Variants in DGKD observed in about 807,000 individuals in gnomAD.
The protein encoded by DGKD is DAG kinase delta.
Under a neutral mutation model 154.4 loss-of-function variants are expected in DGKD, and 68 were observed. That is an observed-to-expected ratio of 0.44 (90% CI 0.36 to 0.54). The LOEUF (loss-of-function observed/expected upper bound fraction) is 0.54. Ranked by LOEUF, DGKD falls within the 20% of genes least tolerant of loss-of-function variation. The pLI is 0.00. For synonymous variants in DGKD, 693 were observed against 638.0 expected (o/e 1.09, Z -1.30); for missense variants, 1,343 against 1,593.6 (o/e 0.84, Z 2.68).
chr2:233,437,228 G>C, intron 7 of DGKD, 149 bp from the exon 8 acceptor site: 1 of 686,742 alleles, frequency 1.5e-6, no homozygotes. Flanking sequence ...ATAGCAGGCC[G>C]GCCCAGGGCC....
At chr2:233,420,866 C>T (rs922996659) in intron 3 of DGKD, among the ~76,000 whole-genome samples, 1 of 152,134 alleles carries the variant, frequency 6.6e-6, no homozygotes, top group Non-Finnish European at 1.5e-5. Flanking sequence ...TTCCCAGATT[C>T]CCTGTGATCA....
At chr2:233,376,315 A>G (rs180689459) in intron 1 of DGKD, among the ~76,000 whole-genome samples, 1 of 152,252 alleles carries the variant, frequency 6.6e-6, no homozygotes, top group Admixed American at 6.5e-5. Flanking sequence ...CTGTCTAAGC[A>G]TGGAGAGAGT....
chr2:233,371,044 G>A (rs905749765), intron 1 of DGKD, among the ~76,000 whole-genome samples: 1 of 152,114 alleles, frequency 6.6e-6, no homozygotes, highest in African/African-American at 2.4e-5. Context: ...GAGCCACTGT[G>A]CCCAGCTGAC....
At chr2:233,466,929 A>T (rs1317977595) in intron 27 of DGKD, among the ~76,000 whole-genome samples, 157 bp from the exon 28 acceptor site, 3 of 152,236 alleles carry the variant, frequency 2.0e-5, no homozygotes, top group Non-Finnish European at 1.5e-5. Flanking sequence ...AAATACAAGA[A>T]TCAATAAGGG....
At chr2:233,356,042 C>T (rs538185574) in intron 1 of DGKD, among the ~76,000 whole-genome samples, 1 of 152,304 alleles carries the variant, frequency 6.6e-6, no homozygotes. Flanking sequence ...GGGAGATGGA[C>T]GCCTGTGCAC....
chr2:233,389,365 A>G (rs1466813452), intron 2 of DGKD, among the ~76,000 whole-genome samples: 1 of 152,228 alleles, frequency 6.6e-6, no homozygotes, highest in African/African-American at 2.4e-5. Flanking sequence ...ATGTGGTGTT[A>G]GACATTCAGA....
chr2:233,405,973 G>A (rs75849761), intron 3 of DGKD, among the ~76,000 whole-genome samples: 1,553 of 152,314 alleles, frequency 0.01, 32 homozygotes, highest in African/African-American at 0.035. Flanking sequence ...ACATGAAACA[G>A]AAGAAATGTA....
chr2:233,437,024 C>T (rs2062719642), intron 7 of DGKD, among the ~76,000 whole-genome samples: 1 of 151,936 alleles, frequency 6.6e-6, no homozygotes, highest in African/African-American at 2.4e-5. Context: ...AGCCAAGACA[C>T]AGGGGACACA....
intron 1 of DGKD, among the ~76,000 whole-genome samples, chr2:233,368,393 T>C (rs1310808549): frequency 6.6e-6 from 1 of 151,916 alleles, no homozygotes; most frequent in Non-Finnish European, 1.5e-5. Context: ...ACACCTGTAA[T>C]CCCAGCTACT....
chr2:233,416,049 C>A (rs986926506), intron 3 of DGKD, among the ~76,000 whole-genome samples: 1 of 152,178 alleles, frequency 6.6e-6, no homozygotes, highest in South Asian at 2.1e-4. Flanking sequence ...CCAGTTTTCC[C>A]GGCTGCTTGT....
Position 233,459,972 on chromosome 2 carries a change from CTT to C in DGKD, c.2829+85_2829+86del. The C allele has an allele frequency of 6.6e-7, 1 of 1,504,102 alleles. No homozygotes were observed. Among genetic ancestry groups the C allele is most frequent in the Non-Finnish European group, 8.8e-7 (1 of 1,130,676 alleles). The allele number at this position is 1,504,102 out of a possible 1,614,324, so 93.2% of individuals were successfully genotyped here. The stretch of plus-strand genomic sequence containing the variant: ...TTGTGTGCACTGTTAAGAGCTGGAG[CTT>C]TTTGTGTTTTGTTCTAGGATTTTTT... On this transcript the variant is annotated intron_variant, in intron 23 of 29. Coordinates refer to ENST00000264057, the MANE Select transcript of DGKD (RefSeq NM_152879.3). This position sits in a 1 kb window ranked among gnomAD's most constrained non-coding sequence, Gnocchi z 5.7.
At chr2:233,404,417 T>C (rs2061630837) in intron 3 of DGKD, among the ~76,000 whole-genome samples, 1 of 152,184 alleles carries the variant, frequency 6.6e-6, no homozygotes, top group Non-Finnish European at 1.5e-5. Flanking sequence ...TGCTGAGCCC[T>C]GTTTGCCCAG....
At chr2:233,379,802 T>C (rs1044953409) in intron 1 of DGKD, 7 of 152,176 alleles carry the variant, frequency 4.6e-5, no homozygotes, top group Non-Finnish European at 8.8e-5. Flanking sequence ...TTTTATTTTA[T>C]TTTATTTCTA....
Position 233,449,334 on chromosome 2 carries a change from C to T in DGKD, c.1846C>T (p.Leu616=), listed in dbSNP as rs1173593944. 5 of 1,607,920 alleles carry T rather than the reference C, an allele frequency of 3.1e-6. No homozygotes were observed. In the African/African-American group the frequency reaches 4.0e-5, roughly 13 times the overall value. The change falls in exon 15 of 30, where the codon CTG becomes TTG. Residue 616 remains leucine (L), a synonymous_variant. Transcript: ENST00000264057. This position sits in a 1 kb window ranked among gnomAD's most constrained non-coding sequence, Gnocchi z 5.3. ...ACAGCTCATGCTGAGAGCCAACAGC[C>T]TGAAGAAAGCAATTCGTCAGATCAT... is the stretch of plus-strand genomic sequence containing the variant. ...REQLMLRANS[L]KKAIRQIIEH...
chr2:233,465,409 G>A (rs954424143), intron 27 of DGKD, among the ~76,000 whole-genome samples: 33 of 152,144 alleles, frequency 2.2e-4, no homozygotes, highest in African/African-American at 7.5e-4. Context: ...GTGGAAGAAC[G>A]TTACAAACAA....
chr2:233,361,201 G>C (rs1001900907), intron 1 of DGKD, among the ~76,000 whole-genome samples: 4 of 152,128 alleles, frequency 2.6e-5, no homozygotes, highest in African/African-American at 9.7e-5. Flanking sequence ...CTCACAATTT[G>C]GATTGGGATC....
intron 1 of DGKD, among the ~76,000 whole-genome samples, chr2:233,386,795 G>C (rs1231927113): frequency 6.6e-6 from 1 of 152,250 alleles, no homozygotes; most frequent in South Asian, 2.1e-4. Context: ...GTGCCACTGG[G>C]TCAGTGCCAA....
intron 1 of DGKD, among the ~76,000 whole-genome samples, chr2:233,367,216 C>T (rs1702072183): frequency 7.2e-6 from 1 of 139,676 alleles, no homozygotes. Context: ...GGGCAGTTGT[C>T]TGGTATTAAT....
At chr2:233,384,301 T>A (rs2125426415) in intron 1 of DGKD, among the ~76,000 whole-genome samples, 1 of 152,288 alleles carries the variant, frequency 6.6e-6, no homozygotes, top group Admixed American at 6.5e-5. Flanking sequence ...CTTCTCGACG[T>A]GCTCTCTGCT....
Sources: gnomAD v4.1 joint callset for allele counts (sites outside exome capture counted in the v4.1 genomes callset) on GRCh38, gnomAD v4.1.1 for gene constraint, Gnocchi (gnomAD v3.1) non-coding constraint, MANE v1.5 for transcripts, NCBI Gene and HGNC (gene_info 2026-07-23, HGNC 2026-07-21) for gene names.